Variants in DTNA observed in about 807,000 individuals in gnomAD.
DTNA encodes the protein dystrophin-related protein 3.
DTNA carries 43 observed loss-of-function variants against 100.7 expected under a neutral mutation model. The observed-to-expected ratio is 0.43, with a 90% CI of 0.33 to 0.55. The LOEUF is 0.55. Among genes scored for constraint, DTNA ranks in the 20% least tolerant of loss-of-function variants. The pLI is 0.04. For missense variants in DTNA, 798 were observed against 953.9 expected, an observed-to-expected ratio of 0.84 and a Z score of 2.15; for synonymous variants, 349 against 347.9, an observed-to-expected ratio of 1.00 and a Z score of -0.04.
chr18:34,563,704 T>C (rs2685560), intron 1 of DTNA, among the ~76,000 whole-genome samples: 14,011 of 152,210 alleles, frequency 0.092, 655 homozygotes, highest in South Asian at 0.11. Context: ...ATTAAAATTG[T>C]ATTATTCAAG....
At chr18:34,688,679 AT>A (rs2079274819) in intron 1 of DTNA, among the ~76,000 whole-genome samples, 1 of 152,070 alleles carries the variant, frequency 6.6e-6, no homozygotes, top group Non-Finnish European at 1.5e-5. Context: ...CTGAATTTAA[AT>A]GTTGGCCTGT....
At chr18:34,711,566 A>T (rs1228395079) in intron 1 of DTNA, among the ~76,000 whole-genome samples, 1 of 152,168 alleles carries the variant, frequency 6.6e-6, no homozygotes, top group Non-Finnish European at 1.5e-5. Flanking sequence ...TTTGAAAAAT[A>T]CTTTCTTAGT....
intron 1 of DTNA, among the ~76,000 whole-genome samples, chr18:34,519,480 A>G (rs959542528): frequency 6.6e-6 from 1 of 152,106 alleles, no homozygotes; most frequent in African/African-American, 2.4e-5. Context: ...CTGAGCCACA[A>G]TTTCATCATC....
rs1320599133 is a variant in DTNA, at chr18:34,552,741, T to G, written c.-2+59227T>G. Among the ~76,000 whole-genome samples, 7 of 151,698 alleles carry G rather than the reference T, an allele frequency of 4.6e-5. No individual in the cohort carries two copies. The East Asian group carries it at 1.4e-3, about 29-fold the overall frequency. ...TTTATGGTTGCATAGTATTCCATGG[T>G]GTATATGTGCCACATTTCCTTAATC... On this transcript the variant is annotated intron_variant, in intron 1 of 19. Transcript: ENST00000283365.
chr18:34,528,712 T>A (rs1432220121), intron 1 of DTNA, among the ~76,000 whole-genome samples: 2 of 152,126 alleles, frequency 1.3e-5, no homozygotes, highest in African/African-American at 4.8e-5. Context: ...CATTTTTTTT[T>A]ACCCCTAAAT....
intron 1 of DTNA, among the ~76,000 whole-genome samples, chr18:34,623,214 CT>C (rs1313951920): frequency 6.6e-6 from 1 of 152,016 alleles, no homozygotes; most frequent in Admixed American, 6.6e-5. Flanking sequence ...CAGGCTTCAC[CT>C]AAAAAAGGAA....
At chr18:34,600,386 T>TA (rs2051540115) in intron 1 of DTNA, among the ~76,000 whole-genome samples, 1 of 152,232 alleles carries the variant, frequency 6.6e-6, no homozygotes, top group African/African-American at 2.4e-5. Flanking sequence ...GCAATAGAGT[T>TA]ACTTTAATTA....
intron 4 of DTNA, among the ~76,000 whole-genome samples, chr18:34,803,318 C>T (rs1050588030): frequency 6.6e-6 from 1 of 151,802 alleles, no homozygotes. Flanking sequence ...GGCAGAACAG[C>T]TCTGATATAA....
intron 16 of DTNA, among the ~76,000 whole-genome samples, chr18:34,861,253 AGGCG>A (rs1186100938): frequency 2.0e-5 from 3 of 152,086 alleles, no homozygotes; most frequent in African/African-American, 7.2e-5. Context: ...TAGGAGTGCG[AGGCG>A]GGCGGATCAC....
At chr18:34,589,348 G>A (rs1329383767) in intron 1 of DTNA, among the ~76,000 whole-genome samples, 1 of 152,036 alleles carries the variant, frequency 6.6e-6, no homozygotes, top group Non-Finnish European at 1.5e-5. Flanking sequence ...TGTGTTAAGA[G>A]TACCTAATAA....
intron 1 of DTNA, among the ~76,000 whole-genome samples, chr18:34,550,404 G>A (rs2045280719): frequency 6.6e-6 from 1 of 152,058 alleles, no homozygotes; most frequent in African/African-American, 2.4e-5. Flanking sequence ...GGACCTTCTT[G>A]CTCACCCAAA....
intron 1 of DTNA, among the ~76,000 whole-genome samples, chr18:34,626,300 G>A (rs1288761283): frequency 1.3e-5 from 2 of 152,072 alleles, no homozygotes; most frequent in Non-Finnish European, 2.9e-5. Context: ...TACCATAAAG[G>A]AGTAGATGAA....
At chr18:34,629,525 C>T (rs1196601931) in intron 1 of DTNA, among the ~76,000 whole-genome samples, 3 of 152,188 alleles carry the variant, frequency 2.0e-5, no homozygotes, top group African/African-American at 4.8e-5. Flanking sequence ...CAGGAATTCA[C>T]TCAACATGCT....
chr18:34,722,762 A>T lies in DTNA; in HGVS notation c.-2+12317A>T, dbSNP rs536443354. On this transcript the variant is annotated intron_variant, in intron 1 of 22. Coordinates refer to ENST00000444659, the MANE Select transcript of DTNA (RefSeq NM_001386795.1). The stretch of plus-strand genomic sequence containing the variant: ...AGCAACCACAAATGAATTTTCAGTC[A>T]CTATAGATTAGTTTGCATTTTCTAG... Among the ~76,000 whole-genome samples the T allele has an allele frequency of 3.3e-5, 5 of 152,258 alleles. No individual in the cohort carries two copies. The East Asian group carries it at 9.6e-4, about 29-fold the overall frequency.
chr18:34,880,056 A>G (rs1392076921), intron 20 of DTNA, among the ~76,000 whole-genome samples: 1 of 152,186 alleles, frequency 6.6e-6, no homozygotes, highest in Admixed American at 6.5e-5. Flanking sequence ...GAGATAAATC[A>G]TCCTATCTTC....
At chr18:34,763,991 A>G (rs778639143) in intron 2 of DTNA, among the ~76,000 whole-genome samples, 7 of 152,198 alleles carry the variant, frequency 4.6e-5, no homozygotes, top group African/African-American at 1.2e-4. Context: ...AATAATGATA[A>G]TGTAGCTGCT....
At chr18:34,496,809 A>G (rs966830003) in intron 1 of DTNA, among the ~76,000 whole-genome samples, 2 of 152,208 alleles carry the variant, frequency 1.3e-5, no homozygotes, top group African/African-American at 4.8e-5. Flanking sequence ...AAAGCCACAT[A>G]TTTGTGCAGG....
intron 1 of DTNA, among the ~76,000 whole-genome samples, chr18:34,517,947 T>C (rs1209897570): frequency 6.6e-6 from 1 of 152,166 alleles, no homozygotes; most frequent in African/African-American, 2.4e-5. Flanking sequence ...AACTTTCATT[T>C]CTCTGGGATA....
chr18:34,846,441 A>G lies in DTNA; in HGVS notation c.1347-1855A>G, dbSNP rs1452569228. ...TCTTTTGATGCTTTTTGCATACATT[A>G]TCTCATTTGAGCAAAAGGAAAGAGA... On this transcript the variant is annotated intron_variant, in intron 13 of 22. Transcript: ENST00000444659. Among the ~76,000 whole-genome samples the G allele has an allele frequency of 2.0e-5, 3 of 152,284 alleles. No homozygotes were observed. In the East Asian group the frequency reaches 5.8e-4, roughly 29 times the overall value.
Sources: gnomAD v4.1 joint callset for allele counts (sites outside exome capture counted in the v4.1 genomes callset) on GRCh38, gnomAD v4.1.1 for gene constraint, MANE v1.5 for transcripts, NCBI Gene and HGNC (gene_info 2026-07-23, HGNC 2026-07-21) for gene names.